WNK1: variants seen among roughly 807,000 people sequenced by gnomAD.
WNK1 encodes WNK lysine deficient protein kinase 1.
A neutral mutation model predicts 222.8 loss-of-function variants in WNK1; 38 were observed. The observed-to-expected ratio is 0.17, with a 90% CI of 0.13 to 0.22. WNK1 has a LOEUF of 0.22. Among genes scored for constraint, WNK1 ranks in the 10% least tolerant of loss-of-function variants. The pLI is 1.00. For missense variants in WNK1, 2,348 were observed against 2,918.4 expected, an observed-to-expected ratio of 0.80 and a Z score of 4.50; for synonymous variants, 1,090 against 1,092.9, an observed-to-expected ratio of 1.00 and a Z score of 0.05.
chr12:889,678 T>C (rs1954019264), intron 21 of WNK1, among the ~76,000 whole-genome samples: 1 of 151,906 alleles, frequency 6.6e-6, no homozygotes, highest in Non-Finnish European at 1.5e-5. Context: ...ATTATCCAGG[T>C]GTGGTGGTGC....
chr12:759,576 G>A (rs571526722), intron 1 of WNK1, among the ~76,000 whole-genome samples: 10 of 147,730 alleles, frequency 6.8e-5, no homozygotes, highest in African/African-American at 1.7e-4. Context: ...TGATCTGCCC[G>A]CCTTGGCCTC....
At chr12:823,055 T>C (rs74610807) in intron 2 of WNK1, among the ~76,000 whole-genome samples, 1 of 151,948 alleles carries the variant, frequency 6.6e-6, no homozygotes, top group Non-Finnish European at 1.5e-5. Flanking sequence ...AGTCTTCAGG[T>C]TTTTTTTGGG....
At chr12:841,758 C>T (rs902461366) in intron 4 of WNK1, among the ~76,000 whole-genome samples, 7 of 152,242 alleles carry the variant, frequency 4.6e-5, no homozygotes, top group Admixed American at 1.3e-4. Flanking sequence ...CCTCATAGAC[C>T]GGACTTTCTC....
rs984052738 is a variant in WNK1 at position 884,020 on chromosome 12, C to T, written c.3722-101C>T. ...TCCAGCCTGGGTGAGAGAATGAGAC[C>T]GTGCCTCAAAAAAAGCAGTTGTATG... On this transcript the variant is annotated intron_variant, in intron 17 of 27. Transcript: ENST00000315939. This position sits in a 1 kb window ranked among gnomAD's most constrained non-coding sequence, Gnocchi z 5.6. 34 of 1,558,166 alleles carry T rather than the reference C, an allele frequency of 2.2e-5. No homozygotes were observed. The highest frequency in any genetic ancestry group is 1.9e-4 in the Admixed American group (11 of 58,828).
chr12:756,140 T>A (rs186622761), intron 1 of WNK1, among the ~76,000 whole-genome samples: 1 of 152,388 alleles, frequency 6.6e-6, no homozygotes, highest in East Asian at 1.9e-4. Context: ...GAATAGGTGC[T>A]TTTTAACAAT....
At chr12:779,227 G>A (rs1402236940) in intron 1 of WNK1, among the ~76,000 whole-genome samples, 1 of 151,926 alleles carries the variant, frequency 6.6e-6, no homozygotes, top group Non-Finnish European at 1.5e-5. Flanking sequence ...TAAATTTTTG[G>A]CAGTTATTTT....
chr12:758,746 A>G (rs1020172483), intron 1 of WNK1, among the ~76,000 whole-genome samples: 5 of 147,126 alleles, frequency 3.4e-5, no homozygotes, highest in African/African-American at 1.2e-4. Context: ...GTCTCAGGGA[A>G]TAGTTTTTGG....
chr12:832,868 C>T (rs1173786574), intron 4 of WNK1, among the ~76,000 whole-genome samples: 2 of 152,164 alleles, frequency 1.3e-5, no homozygotes, highest in African/African-American at 4.8e-5. Context: ...TCAGATGATT[C>T]TGATAAGTAC....
intron 21 of WNK1, among the ~76,000 whole-genome samples, chr12:889,945 A>G (rs1047478599): frequency 2.7e-5 from 4 of 146,354 alleles, no homozygotes; most frequent in East Asian, 4.0e-4. Context: ...TTCTTTTAAA[A>G]TGTACCTTTT....
intron 9 of WNK1, among the ~76,000 whole-genome samples, chr12:875,894 T>C (rs540662873): frequency 1.3e-5 from 2 of 152,248 alleles, no homozygotes; most frequent in Non-Finnish European, 2.9e-5. Context: ...TAATTATAGA[T>C]ATCTCATTCA....
intron 1 of WNK1, among the ~76,000 whole-genome samples, chr12:781,568 A>G (rs1382544714): frequency 1.3e-5 from 2 of 152,204 alleles, no homozygotes; most frequent in Non-Finnish European, 2.9e-5. Context: ...GCTGGTCTTC[A>G]TTAGATAAAT....
intron 26 of WNK1, chr12:907,571 T>G: frequency 4.0e-6 from 2 of 503,290 alleles, no homozygotes; most frequent in Non-Finnish European, 7.2e-6. Context: ...TTAGGTGCTT[T>G]GTGAATGGAC....
At position 911,372 on chromosome 12, in the gene WNK1, T is replaced by C. The variant is rs558083402; in HGVS notation, c.*2580T>C. 5 of 398,530 alleles carry C rather than the reference T, an allele frequency of 1.3e-5. No homozygotes were observed. The highest frequency in any genetic ancestry group is 4.4e-5 in the Admixed American group (1 of 22,718). 24.7% of individuals were successfully genotyped at this position (398,530 alleles called of 1,614,324 possible). A position where few individuals can be genotyped will look rare whatever the true frequency, so the allele number is the denominator to read the frequency against. ...TCTGGGTGTTGCGCTTCTTGTAAGA[T>C]TGCGCTTTGTGCTTCAGTTTGTTAC... On this transcript the variant is annotated 3_prime_UTR_variant, in exon 28 of 28. Transcript: ENST00000315939.
intron 2 of WNK1, among the ~76,000 whole-genome samples, chr12:817,335 C>G (rs1947439365): frequency 6.6e-6 from 1 of 151,532 alleles, no homozygotes; most frequent in African/African-American, 2.4e-5. Flanking sequence ...GACTCCATCT[C>G]AAAAATAAAA....
chr12:755,219 G>A (rs1939818833), intron 1 of WNK1, among the ~76,000 whole-genome samples: 1 of 152,114 alleles, frequency 6.6e-6, no homozygotes, highest in Admixed American at 6.5e-5. Flanking sequence ...GCCCTGATTG[G>A]GCATAGGTGA....
chr12:900,277 A>G (rs1251713870), intron 25 of WNK1, among the ~76,000 whole-genome samples, 199 bp from the exon 26 acceptor site: 3 of 152,104 alleles, frequency 2.0e-5, no homozygotes, highest in African/African-American at 4.8e-5. Flanking sequence ...CGTGAGCCAC[A>G]ACACCCAGCC....
chr12:857,148 T>G lies in WNK1; in HGVS notation c.1312-13T>G, dbSNP rs199903934. The G allele has an allele frequency of 4.3e-6, 7 of 1,613,314 alleles. No homozygotes were observed. Among genetic ancestry groups the G allele is most frequent in the Non-Finnish European group, 5.9e-6 (7 of 1,179,474 alleles). ...CCTGCTTTTATTAATGTATTTCTGT[T>G]TATGGTTTTCAGGGGGTGAAGCCAG... On this transcript the variant is annotated splice_polypyrimidine_tract_variant and intron_variant, in intron 4 of 27. Coordinates refer to ENST00000315939, the MANE Select transcript of WNK1 (RefSeq NM_018979.4).
chr12:901,187 A>T (rs1955221635), intron 26 of WNK1: 1 of 233,142 alleles, frequency 4.3e-6, no homozygotes, highest in Non-Finnish European at 8.5e-6. Context: ...TAGTCATATT[A>T]GAACAAGAAT....
At chr12:820,996 T>C (rs1947817141) in intron 2 of WNK1, among the ~76,000 whole-genome samples, 1 of 151,830 alleles carries the variant, frequency 6.6e-6, no homozygotes, top group African/African-American at 2.4e-5. Flanking sequence ...AAATGTTCTT[T>C]ATCATGTTGA....
Sources: allele counts gnomAD v4.1 joint callset (sites outside exome capture counted in the v4.1 genomes callset), GRCh38; gene constraint gnomAD v4.1.1; non-coding constraint Gnocchi (gnomAD v3.1); transcripts MANE v1.5; gene names NCBI Gene and HGNC (gene_info 2026-07-23, HGNC 2026-07-21).